KXD1: variants seen among roughly 807,000 people sequenced by gnomAD.
The protein encoded by KXD1 is kxDL motif-containing protein 1.
A neutral mutation model predicts 12.1 loss-of-function variants in KXD1; 5 were observed. That is an observed-to-expected ratio of 0.41 (90% CI 0.22 to 0.87). KXD1 has a LOEUF of 0.87. KXD1 is among the 40% of genes least tolerant of loss of function. The pLI, the probability that KXD1 is intolerant of heterozygous loss-of-function variation, is 0.31. For missense variants in KXD1, 193 were observed against 244.9 expected (o/e 0.79, Z 1.41); for synonymous variants, 98 against 100.5 (o/e 0.98, Z 0.15).
intron 1 of KXD1, 98 bp from the exon 2 acceptor site, chr19:18,561,938 G>A: frequency 1.5e-6 from 1 of 675,950 alleles, no homozygotes; most frequent in Non-Finnish European, 2.4e-6. Context: ...TACCACCACG[G>A]TTGGGTTAGG....
intron 3 of KXD1, 79 bp downstream of exon 3, chr19:18,565,100 C>G: frequency 6.4e-7 from 1 of 1,571,250 alleles, no homozygotes; most frequent in South Asian, 1.1e-5. Flanking sequence ...CTTCACATAC[C>G]AGGGTAAAGG....
In KXD1 at chr19:18,568,260, C is replaced by G. The variant is rs140842160; in HGVS notation, c.302-142C>G. 5 of 660,042 alleles carry G rather than the reference C, an allele frequency of 7.6e-6. No individual in the cohort carries two copies. In the African/African-American group the frequency reaches 9.4e-5, roughly 12 times the overall value. 40.9% of individuals were successfully genotyped at this position (660,042 alleles called of 1,614,324 possible). A position where few individuals can be genotyped will look rare whatever the true frequency, so the allele number is the denominator to read the frequency against. On this transcript the variant is annotated intron_variant, in intron 4 of 4. Transcript: ENST00000222307. ...CTAGCCTGGGCAAAGAGCGAAACTCCGTCTCAAAAAAAAAAAAAAAAAAGG... is the reference window on the plus strand; with the variant it reads ...CTAGCCTGGGCAAAGAGCGAAACTCGGTCTCAAAAAAAAAAAAAAAAAAGG...
rs1212931352 is a variant in KXD1, at chr19:18,567,187, C to CA, written c.301+10dup. The CA allele has an allele frequency of 1.1e-5, 17 of 1,614,024 alleles. No individual in the cohort carries two copies. Among genetic ancestry groups the CA allele is most frequent in the African/African-American group, 1.3e-5 (1 of 75,060 alleles). On this transcript the variant is annotated intron_variant, in intron 4 of 4. Coordinates refer to ENST00000222307, the MANE Select transcript of KXD1 (RefSeq NM_024069.4). The stretch of plus-strand genomic sequence containing the variant: ...CCCAGAGGCCTTCAGCCGTAAGTGT[C>CA]ACGCAGGGTTCCTGCTCCCGAGCAC...
At chr19:18,562,214 T>G in intron 2 of KXD1, 57 bp downstream of exon 2, 2 of 1,364,040 alleles carry the variant, frequency 1.5e-6, no homozygotes, top group Non-Finnish European at 2.0e-6. Context: ...TGGCCAACAT[T>G]CTTGTCTTGC....
chr19:18,566,361 G>A lies in KXD1; in HGVS notation c.255-771G>A, dbSNP rs1010700939. Among the ~76,000 whole-genome samples, 6 of 151,246 alleles carry A rather than the reference G, an allele frequency of 4.0e-5. 1 individual carries two copies. The highest frequency in any genetic ancestry group is 7.4e-5 in the Non-Finnish European group (5 of 67,916). On this transcript the variant is annotated intron_variant, in intron 3 of 4. Coordinates refer to ENST00000222307, the MANE Select transcript of KXD1 (RefSeq NM_024069.4). Reference sequence around the variant, plus strand: ...TGGGCGTCTGTATTGCCAGCTACTCGGGAGGCTGAGGCAGGAGAATGGCAT... The same window carrying A: ...TGGGCGTCTGTATTGCCAGCTACTCAGGAGGCTGAGGCAGGAGAATGGCAT...
At chr19:18,562,562 G>A (rs1389110989) in intron 2 of KXD1, among the ~76,000 whole-genome samples, 4 of 152,246 alleles carry the variant, frequency 2.6e-5, no homozygotes, top group African/African-American at 9.6e-5. Context: ...CCGAGTTCAA[G>A]CGATTTCTCC....
intron 2 of KXD1, among the ~76,000 whole-genome samples, chr19:18,562,627 A>C (rs1296425501): frequency 6.6e-6 from 1 of 152,092 alleles, no homozygotes; most frequent in African/African-American, 2.4e-5. Flanking sequence ...ATGCCCAGCT[A>C]ATTTTTGTAT....
In KXD1 at chr19:18,568,622, G is replaced by A. The variant is rs143551967; in HGVS notation, c.522G>A (p.Thr174=). The A allele has an allele frequency of 1.4e-5, 22 of 1,609,288 alleles. No homozygotes were observed. In the Admixed American group the frequency reaches 2.5e-4, roughly 18 times the overall value. ...GCCAGACAGATGACGAGGAGATGAC[G>A]GGCGAATAGCCCTGCTGCCCGGTGC... ...GRSQTDDEEM[T]GE Residue 174 remains threonine (T), a synonymous_variant, in exon 5 of 5, where the codon ACG becomes ACA. Transcript: ENST00000222307.
At chr19:18,564,801 C>T (rs549531141) in intron 2 of KXD1, 68 bp from the exon 3 acceptor site, 3 of 1,570,142 alleles carry the variant, frequency 1.9e-6, no homozygotes, top group Non-Finnish European at 2.6e-6. Context: ...CATGAACAGT[C>T]TTCTGGGCCA....
chr19:18,565,645 C>T (rs1218849181), intron 3 of KXD1, among the ~76,000 whole-genome samples: 1 of 152,130 alleles, frequency 6.6e-6, no homozygotes, highest in Non-Finnish European at 1.5e-5. Flanking sequence ...TTCTGAGTAG[C>T]TGGGTCTACA....
chr19:18,562,067 C>T lies in KXD1; in HGVS notation c.11C>T (p.Pro4Leu), dbSNP rs762767757. Residue 4 changes from proline to leucine, a missense_variant, in exon 2 of 5, where the codon CCG (proline) becomes CTG (leucine). Physicochemically the swap from Pro to Leu is moderately conservative, Grantham distance 98. Coordinates refer to ENST00000222307, the MANE Select transcript of KXD1 (RefSeq NM_024069.4). MDL[P>L]DSASRVFCGR... is the part of the protein sequence containing the mutation. Reference sequence around the variant, plus strand: ...GAGGAGGAGAAAGAGATGGACCTCCCGGACTCGGCCTCGAGGGTCTTCTGC... The same window carrying T: ...GAGGAGGAGAAAGAGATGGACCTCCTGGACTCGGCCTCGAGGGTCTTCTGC... The T allele has an allele frequency of 2.2e-5, 36 of 1,612,400 alleles. No individual in the cohort carries two copies. The highest frequency in any genetic ancestry group is 1.1e-5 in the South Asian group (1 of 90,812).
chr19:18,568,301 C>T lies in KXD1; in HGVS notation c.302-101C>T. The T allele has an allele frequency of 4.9e-6, 4 of 808,182 alleles. No homozygotes were observed. In the Middle Eastern group the frequency reaches 7.1e-4, roughly 143 times the overall value. 50.1% of individuals were successfully genotyped at this position (808,182 alleles called of 1,614,324 possible). On this transcript the variant is annotated intron_variant, in intron 4 of 4. Coordinates refer to ENST00000222307, the MANE Select transcript of KXD1 (RefSeq NM_024069.4). Reference sequence around the variant, plus strand: ...AAAAAAAAGGGTCAAGTCATACCCCCATGGGGTGAGGGCAGCCGTTAGGGG... The same window carrying T: ...AAAAAAAAGGGTCAAGTCATACCCCTATGGGGTGAGGGCAGCCGTTAGGGG...
At position 18,568,778 on chromosome 19, in the gene KXD1, G is replaced by A. The variant is rs998293827; in HGVS notation, c.*147G>A. ...CTAGGGGGACAAGGCTCTCTCCCGA[G>A]GGGTGTGGAATTCCTGGGGGGGTCT... On this transcript the variant is annotated 3_prime_UTR_variant, in exon 5 of 5. Coordinates refer to ENST00000222307, the MANE Select transcript of KXD1 (RefSeq NM_024069.4). The A allele has an allele frequency of 6.4e-6, 4 of 628,936 alleles. No individual in the cohort carries two copies. The highest frequency in any genetic ancestry group is 5.5e-5 in the African/African-American group (3 of 54,222). 39.0% of individuals were successfully genotyped at this position (628,936 alleles called of 1,614,324 possible).
rs561254025 is a variant in KXD1 at position 18,564,731 on chromosome 19, A to G, written c.102-138A>G. On this transcript the variant is annotated intron_variant, in intron 2 of 4. Transcript: ENST00000222307. ...TTGCTAGGTGGCTCAAAGAGTAGGTAGAACTCTGCAGGACAAGGGAACAGC... is the reference window on the plus strand; with the variant it reads ...TTGCTAGGTGGCTCAAAGAGTAGGTGGAACTCTGCAGGACAAGGGAACAGC... 8 of 930,292 alleles carry G rather than the reference A, an allele frequency of 8.6e-6. No individual in the cohort carries two copies. In the African/African-American group the frequency reaches 1.3e-4, roughly 15 times the overall value. 57.6% of individuals were successfully genotyped at this position (930,292 alleles called of 1,614,324 possible).
chr19:18,562,151 A>G lies in KXD1; in HGVS notation c.95A>G (p.Lys32Arg). 1 of 1,605,376 alleles carries G rather than the reference A, an allele frequency of 6.2e-7. No individual in the cohort carries two copies. Among genetic ancestry groups the G allele is most frequent in the South Asian group, 1.1e-5 (1 of 89,742 alleles). The change falls in exon 2 of 5, where the codon AAG (lysine) becomes AGG (arginine). Residue 32 changes from lysine to arginine, a missense_variant. Transcript: ENST00000222307. ...DDVNAIILAQ[K>R]NMLDRFEKTN... ...GTCAACGCCATCATCCTGGCCCAGA[A>G]GAACATGTGAGTGGCGGCTGGGGGA...
At chr19:18,562,304 T>G in intron 2 of KXD1, 147 bp downstream of exon 2, 2 of 652,522 alleles carry the variant, frequency 3.1e-6, no homozygotes, top group South Asian at 2.0e-5. Context: ...GTAAATTCCT[T>G]CCCGGCCTGG....
intron 1 of KXD1, chr19:18,559,790 A>T (rs1289496776): frequency 6.6e-6 from 1 of 152,220 alleles, no homozygotes; most frequent in East Asian, 1.9e-4. Context: ...AACAGTATGT[A>T]TGAGCTTGAT....
At chr19:18,560,364 T>G (rs1974879985) in intron 1 of KXD1, 1 of 152,116 alleles carries the variant, frequency 6.6e-6, no homozygotes, top group Admixed American at 6.6e-5. Context: ...CTATTAAATG[T>G]GTGGGCCTCA....
intron 4 of KXD1, among the ~76,000 whole-genome samples, 176 bp from the exon 5 acceptor site, chr19:18,568,226 C>G (rs1213312863): frequency 6.7e-6 from 1 of 149,610 alleles, no homozygotes; most frequent in Non-Finnish European, 1.5e-5. Context: ...GAGATTATAC[C>G]ATTGCACTCT....
Sources: gnomAD v4.1 joint callset for allele counts (sites outside exome capture counted in the v4.1 genomes callset) on GRCh38, gnomAD v4.1.1 for gene constraint, MANE v1.5 for transcripts, NCBI Gene and HGNC (gene_info 2026-07-23, HGNC 2026-07-21) for gene names.